The following AGO2 variants were observed in gnomAD, a reference collection of about 807,000 sequenced individuals.
AGO2 encodes the protein argonaute RISC catalytic component 2.
In AGO2, 5 loss-of-function variants were observed where a neutral mutation model predicts 102.3. The ratio of observed to expected loss-of-function variants is 0.05; its 90% confidence interval spans 0.03 to 0.10. AGO2 has a LOEUF of 0.10. Ranked by LOEUF, AGO2 falls within the 10% of genes least tolerant of loss-of-function variation. The pLI is 1.00. For missense variants in AGO2, 541 were observed against 1,183.7 expected (o/e 0.46, Z 7.97); for synonymous variants, 449 against 473.1 (o/e 0.95, Z 0.66).
At chr8:140,554,167 A>G (rs996288112) in intron 10 of AGO2, among the ~76,000 whole-genome samples, 4 of 152,236 alleles carry the variant, frequency 2.6e-5, no homozygotes, top group African/African-American at 9.6e-5. Context: ...CCATCCCCGC[A>G]CAGGGGCCAG....
At chr8:140,568,284 G>A (rs2073322980) in intron 3 of AGO2, among the ~76,000 whole-genome samples, 1 of 35,240 alleles carries the variant, frequency 2.8e-5, no homozygotes, top group Non-Finnish European at 4.4e-5. Flanking sequence ...ACCATGTCTG[G>A]GGGAAAAAAA....
intron 3 of AGO2, chr8:140,572,599 TG>T: frequency 7.1e-6 from 4 of 559,648 alleles, no homozygotes; most frequent in South Asian, 3.5e-5. Flanking sequence ...TATCCGTGTC[TG>T]GACCTAGACA....
chr8:140,560,642 G>A (rs2073184064), intron 4 of AGO2, 132 bp from the exon 5 acceptor site: 14 of 1,107,500 alleles, frequency 1.3e-5, no homozygotes, highest in South Asian at 1.6e-5. Flanking sequence ...TTAAATCCAC[G>A]TTTACCACAC....
In AGO2 at chr8:140,530,316, G is replaced by T. The variant is rs890878706; in HGVS notation, c.*1728C>A. 1 of 152,226 alleles carries T rather than the reference G, an allele frequency of 6.6e-6. No individual in the cohort carries two copies. The highest frequency in any genetic ancestry group is 2.4e-5 in the African/African-American group (1 of 41,442). 9.4% of individuals were successfully genotyped at this position (152,226 alleles called of 1,614,324 possible). The stretch of plus-strand genomic sequence containing the variant: ...GCAGCTGAGCACAAAGGTGGGGGGG[G>T]GGGTGCCGCTGAGCAGGAGGCAGCT... On this transcript the variant is annotated 3_prime_UTR_variant, in exon 19 of 19. Coordinates refer to ENST00000220592, the MANE Select transcript of AGO2 (RefSeq NM_012154.5).
intron 11 of AGO2, among the ~76,000 whole-genome samples, chr8:140,550,087 G>A (rs1351485511): frequency 2.0e-5 from 3 of 152,182 alleles, no homozygotes; most frequent in Non-Finnish European, 4.4e-5. Context: ...GGCAGGAGGC[G>A]ACCCTGTGTT....
At chr8:140,558,906 G>A (rs552083058) in intron 6 of AGO2, among the ~76,000 whole-genome samples, 1 of 152,308 alleles carries the variant, frequency 6.6e-6, no homozygotes, top group Non-Finnish European at 1.5e-5. Flanking sequence ...CGGGTTCAGC[G>A]GGCAGGGCTT....
At position 140,549,210 on chromosome 8, in the gene AGO2, C is replaced by G. The variant is rs2072953871; in HGVS notation, c.1492G>C (p.Ala498Pro). ...QPCFCKYAQG[A>P]DSVEPMFRHL... is the part of the protein sequence containing the mutation. ...CGGAACATGGGCTCCACGCTGTCCGCCCCCTGCGCGTATTTGCAGAAGCAC... is the reference window on the plus strand; with the variant it reads ...CGGAACATGGGCTCCACGCTGTCCGGCCCCTGCGCGTATTTGCAGAAGCAC... Residue 498 changes from alanine to proline, a missense_variant, in exon 12 of 19, where the codon GCG (alanine) becomes CCG (proline). Ala to Pro is a conservative substitution (Grantham distance 27). This residue lies in a region of AGO2 where 309 missense variants were observed against 735.1 expected (regional missense o/e 0.42). Coordinates refer to ENST00000220592, the MANE Select transcript of AGO2 (RefSeq NM_012154.5). The G allele has an allele frequency of 6.2e-7, 1 of 1,613,566 alleles. No individual in the cohort carries two copies. The highest frequency in any genetic ancestry group is 1.1e-5 in the South Asian group (1 of 91,074).
intron 1 of AGO2, among the ~76,000 whole-genome samples, chr8:140,585,954 CAG>C (rs2073648567): frequency 6.6e-6 from 1 of 152,316 alleles, no homozygotes; most frequent in East Asian, 1.9e-4. Context: ...TAGAAAAACT[CAG>C]AGACTCCTTG....
rs889383758 is a variant in AGO2, at chr8:140,525,397, C to A, written c.*6647G>T. On this transcript the variant is annotated 3_prime_UTR_variant, in exon 19 of 19. Transcript: ENST00000220592. ...AGGCCAGCCCAGCGGACCCAAGCAGCCTGTACCCTGGGCCGGCAGGCAGTG... is the reference window on the plus strand; with the variant it reads ...AGGCCAGCCCAGCGGACCCAAGCAGACTGTACCCTGGGCCGGCAGGCAGTG... 6.6e-6 allele frequency: 1 copy of A among 152,386 alleles called. No homozygotes were observed. The highest frequency in any genetic ancestry group is 1.5e-5 in the Non-Finnish European group (1 of 68,194). 9.4% of individuals were successfully genotyped at this position (152,386 alleles called of 1,614,324 possible).
At chr8:140,612,755 C>CA (rs1255053736) in intron 1 of AGO2, among the ~76,000 whole-genome samples, 25 of 150,552 alleles carry the variant, frequency 1.7e-4, no homozygotes, top group South Asian at 2.1e-4. Context: ...AACTCGGTCT[C>CA]AAAAAAAACA....
intron 4 of AGO2, among the ~76,000 whole-genome samples, chr8:140,561,996 C>T (rs531994164): frequency 6.6e-5 from 10 of 152,310 alleles, no homozygotes; most frequent in Non-Finnish European, 8.8e-5. Flanking sequence ...TCCCAGCAAT[C>T]GCAAGTGTGG....
rs923317216 is a variant in AGO2 at position 140,567,585 on chromosome 8, T to G, written c.337-4951A>C. 3.7e-4 allele frequency among the ~76,000 whole-genome samples: 56 copies of G among 152,326 alleles called. 1 individual carries two copies. The highest frequency in any genetic ancestry group is 1.3e-3 in the African/African-American group (53 of 41,568). On this transcript the variant is annotated intron_variant, in intron 3 of 18. Coordinates refer to ENST00000220592, the MANE Select transcript of AGO2 (RefSeq NM_012154.5). This position sits in a 1 kb window ranked among gnomAD's most constrained non-coding sequence, Gnocchi z 5.0. Reference sequence around the variant, plus strand: ...ACTGGTGCCAATTGTGTTGCAGCGCTACAATCTGGGAGTGGCCCAACTGCC... The same window carrying G: ...ACTGGTGCCAATTGTGTTGCAGCGCGACAATCTGGGAGTGGCCCAACTGCC...
At position 140,541,214 on chromosome 8, in the gene AGO2, T is replaced by C. The variant is rs2072791078; in HGVS notation, c.1984A>G (p.Thr662Ala). ...QFYKSTRFKP[T>A]RIIFYRDGVS... ...CCGTCGCGGTAGAAGATGATGCGGG[T>C]GGGCTTGAAGCGCGTGGACTTGTAG... Residue 662 changes from threonine (T) to alanine (A), a missense_variant, in exon 15 of 19, where the codon ACC (threonine) becomes GCC (alanine). This residue lies in a region of AGO2 where 309 missense variants were observed against 735.1 expected (regional missense o/e 0.42). Transcript: ENST00000220592. 1.2e-6 allele frequency: 2 copies of C among 1,600,260 alleles called. No individual in the cohort carries two copies.
At chr8:140,578,924 C>T (rs1194164964) in intron 2 of AGO2, among the ~76,000 whole-genome samples, 1 of 152,238 alleles carries the variant, frequency 6.6e-6, no homozygotes, top group Non-Finnish European at 1.5e-5. Flanking sequence ...TGAGAGGTTC[C>T]CTCTTTTACA....
chr8:140,549,935 C>T (rs767615063), intron 11 of AGO2, among the ~76,000 whole-genome samples: 1 of 152,180 alleles, frequency 6.6e-6, no homozygotes, highest in Non-Finnish European at 1.5e-5. Flanking sequence ...TCACCTTCTA[C>T]AATAAGGGCG....
chr8:140,598,044 T>C (rs1338959720), intron 1 of AGO2, among the ~76,000 whole-genome samples: 1 of 152,174 alleles, frequency 6.6e-6, no homozygotes, highest in Non-Finnish European at 1.5e-5. Flanking sequence ...GGTCGAACAC[T>C]GAGCTTACTA....
intron 1 of AGO2, among the ~76,000 whole-genome samples, chr8:140,610,492 T>A (rs1278836126): frequency 6.6e-6 from 1 of 152,230 alleles, no homozygotes; most frequent in African/African-American, 2.4e-5. Context: ...GTGCTGGGAT[T>A]ACAGGCGTGG....
At chr8:140,605,108 C>T (rs964482109) in intron 1 of AGO2, among the ~76,000 whole-genome samples, 1 of 151,894 alleles carries the variant, frequency 6.6e-6, no homozygotes, top group Non-Finnish European at 1.5e-5. Context: ...TTTTTTTCTT[C>T]TTTTTGAGGT....
At chr8:140,607,282 C>G (rs1023809603) in intron 1 of AGO2, among the ~76,000 whole-genome samples, 1 of 151,054 alleles carries the variant, frequency 6.6e-6, no homozygotes, top group Non-Finnish European at 1.5e-5. Flanking sequence ...AAAAATGAGC[C>G]AGTTGCAATG....
Sources: allele counts gnomAD v4.1 joint callset (sites outside exome capture counted in the v4.1 genomes callset), GRCh38; gene constraint gnomAD v4.1.1; regional missense constraint gnomAD v4.1.1; non-coding constraint Gnocchi (gnomAD v3.1); transcripts MANE v1.5; gene names NCBI Gene and HGNC (gene_info 2026-07-23, HGNC 2026-07-21).